TMEM45B: variants seen among roughly 807,000 people sequenced by gnomAD.
The protein encoded by TMEM45B is transmembrane protein 45B.
TMEM45B carries 29 observed loss-of-function variants against 27.3 expected under a neutral mutation model. The observed-to-expected ratio is 1.06, with a 90% confidence interval of 0.79 to 1.45. The LOEUF is 1.45. TMEM45B is among the 40% of genes most tolerant of loss of function. The pLI, the probability that TMEM45B is intolerant of heterozygous loss-of-function variation, is 0.00. For synonymous variants in TMEM45B, 143 were observed against 134.7 expected, an observed-to-expected ratio of 1.06 and a Z score of -0.43; for missense variants, 348 against 343.9, an observed-to-expected ratio of 1.01 and a Z score of -0.09.
chr11:129,819,885 C>G (rs1336848919), intron 1 of TMEM45B, among the ~76,000 whole-genome samples: 2 of 151,984 alleles, frequency 1.3e-5, no homozygotes, highest in Non-Finnish European at 2.9e-5. Context: ...ATAATAATAA[C>G]AGCTTTTCTG....
intron 1 of TMEM45B, among the ~76,000 whole-genome samples, chr11:129,848,464 C>T (rs143761826): frequency 2.0e-4 from 31 of 152,322 alleles, no homozygotes; most frequent in East Asian, 1.4e-3. Context: ...ATGGCAGCAG[C>T]ACAGTCCAGC....
chr11:129,837,585 C>CT lies in TMEM45B; in HGVS notation c.-8-14875dup, dbSNP rs200040338. On this transcript the variant is annotated intron_variant, in intron 1 of 5. Coordinates refer to ENST00000281441, the MANE Select transcript of TMEM45B (RefSeq NM_138788.5). ...TACAGGCATGAGCCACTGCACTGGG[C>CT]TTTTTTTTTTTTTTTGAGACAGGGT... is the stretch of plus-strand genomic sequence containing the variant. Among the ~76,000 whole-genome samples the CT allele has an allele frequency of 2.8e-3, 227 of 80,274 alleles. 22 individuals carry two copies. The highest frequency in any genetic ancestry group is 9.1e-3 in the African/African-American group (210 of 23,180). 52.7% of individuals were successfully genotyped at this position (80,274 alleles called of 152,430 possible). A position where few individuals can be genotyped will look rare whatever the true frequency, so the allele number is the denominator to read the frequency against.
At chr11:129,819,206 C>A (rs1489731626) in intron 1 of TMEM45B, among the ~76,000 whole-genome samples, 2 of 152,224 alleles carry the variant, frequency 1.3e-5, no homozygotes, top group African/African-American at 4.8e-5. Flanking sequence ...CCATAGCAGG[C>A]ATACATAAAA....
chr11:129,855,279 C>T (rs1043582039), intron 3 of TMEM45B, among the ~76,000 whole-genome samples: 22 of 151,818 alleles, frequency 1.4e-4, no homozygotes, highest in African/African-American at 4.6e-4. Flanking sequence ...CATCACAAGC[C>T]TCAGGAGACC....
intron 1 of TMEM45B, among the ~76,000 whole-genome samples, chr11:129,848,091 C>T (rs544606288): frequency 0.13 from 20,116 of 149,574 alleles, 1,426 homozygotes; most frequent in East Asian, 0.31. Flanking sequence ...CAGGCAGAGA[C>T]ACTCCTCACT....
chr11:129,857,569 A>C (rs1947948401), intron 5 of TMEM45B, 111 bp downstream of exon 5: 1 of 1,252,516 alleles, frequency 8.0e-7, no homozygotes, highest in African/African-American at 1.5e-5. Flanking sequence ...TGTGCAAGGT[A>C]CTCTCATGCA....
intron 1 of TMEM45B, among the ~76,000 whole-genome samples, chr11:129,845,336 G>T (rs59528749): frequency 0.085 from 7,379 of 86,486 alleles, 828 homozygotes; most frequent in African/African-American, 0.25. Flanking sequence ...AGCTATTATA[G>T]ATGTGTGTGT....
intron 1 of TMEM45B, among the ~76,000 whole-genome samples, chr11:129,851,607 G>A (rs533076528): frequency 1.3e-5 from 2 of 150,694 alleles, no homozygotes; most frequent in Admixed American, 6.6e-5. Flanking sequence ...GATTTTGGAG[G>A]GGACACATTC....
At position 129,858,867 on chromosome 11, in the gene TMEM45B, C is replaced by A; in HGVS notation, c.*182C>A. 2 of 455,638 alleles carry A rather than the reference C, an allele frequency of 4.4e-6. No individual in the cohort carries two copies. Among genetic ancestry groups the A allele is most frequent in the Non-Finnish European group, 3.9e-6 (1 of 253,208 alleles). The allele number at this position is 455,638 out of a possible 1,614,324, so 28.2% of individuals were successfully genotyped here. ...GGCCTACAGCATCCTGTGTATCTTG[C>A]AGTTGGGATTTTTAAACATACTATA... On this transcript the variant is annotated 3_prime_UTR_variant, in exon 6 of 6. Coordinates refer to ENST00000281441, the MANE Select transcript of TMEM45B (RefSeq NM_138788.5).
intron 1 of TMEM45B, among the ~76,000 whole-genome samples, chr11:129,830,290 G>A (rs747338822): frequency 2.2e-4 from 34 of 152,186 alleles, no homozygotes; most frequent in Non-Finnish European, 2.6e-4. Context: ...TCATGCCATT[G>A]CACTCCAGCC....
Position 129,858,775 on chromosome 11 carries a change from CT to C in TMEM45B, c.*92del. On this transcript the variant is annotated 3_prime_UTR_variant, in exon 6 of 6. Coordinates refer to ENST00000281441, the MANE Select transcript of TMEM45B (RefSeq NM_138788.5). ...ACCTGAATGCCTGCTGTGGTCTGAT[CT>C]TAAGGGTCTATATATTTGCACCTCC... 1.1e-6 allele frequency: 1 copy of C among 942,590 alleles called. No individual in the cohort carries two copies. Among genetic ancestry groups the C allele is most frequent in the Non-Finnish European group, 1.6e-6 (1 of 625,132 alleles). 58.4% of individuals were successfully genotyped at this position (942,590 alleles called of 1,614,324 possible).
intron 5 of TMEM45B, 83 bp downstream of exon 5, chr11:129,857,541 C>T (rs1352102828): frequency 2.0e-6 from 3 of 1,489,122 alleles, no homozygotes; most frequent in Non-Finnish European, 2.8e-6. Flanking sequence ...TGATGAGTGC[C>T]GACTACAGGC....
intron 1 of TMEM45B, among the ~76,000 whole-genome samples, chr11:129,842,375 CACT>C (rs1220719689): frequency 6.6e-6 from 1 of 152,152 alleles, no homozygotes; most frequent in East Asian, 1.9e-4. Flanking sequence ...AGAAGCATCA[CACT>C]TCCTGTGTTC....
chr11:129,851,542 T>TAAAAAAAA (rs1947846295), intron 1 of TMEM45B, among the ~76,000 whole-genome samples: 1 of 21,942 alleles, frequency 4.6e-5, no homozygotes, highest in African/African-American at 5.2e-4. Context: ...AAACTCTGCC[T>TAAAAAAAA]CAAAAAAAAA....
chr11:129,823,578 C>T (rs1947446393), intron 1 of TMEM45B, among the ~76,000 whole-genome samples: 1 of 152,158 alleles, frequency 6.6e-6, no homozygotes, highest in East Asian at 1.9e-4. Context: ...TTTAAACTAG[C>T]CCTTCCTACC....
rs141940295 is a variant in TMEM45B, at chr11:129,850,023, G to A, written c.-8-2452G>A. 2.1e-3 allele frequency among the ~76,000 whole-genome samples: 327 copies of A among 152,198 alleles called. 7 individuals are homozygous for A. The South Asian group carries it at 0.041, about 19-fold the overall frequency. ...GCTTATCAGTCCTGTGGCCATACCC[G>A]TGGTTTTCTCTCCTACACACACGTT... is the stretch of plus-strand genomic sequence containing the variant. On this transcript the variant is annotated intron_variant, in intron 1 of 5. Transcript: ENST00000281441.
At position 129,857,486 on chromosome 11, in the gene TMEM45B, T is replaced by G. The variant is rs185011482; in HGVS notation, c.716+28T>G. ...ATGTCTGAGACTTCAGTGAAGCTTT[T>G]CCTCCTAACTCTAAGCAGGACTGAT... On this transcript the variant is annotated intron_variant, in intron 5 of 5. Transcript: ENST00000281441. The G allele has an allele frequency of 3.7e-5, 59 of 1,612,972 alleles. No individual in the cohort carries two copies. The African/African-American group carries it at 5.3e-4, about 15-fold the overall frequency.
chr11:129,854,617 G>A lies in TMEM45B; in HGVS notation c.186G>A (p.Leu62=), dbSNP rs923834381. 3 of 1,614,106 alleles carry A rather than the reference G, an allele frequency of 1.9e-6. No homozygotes were observed. The highest frequency in any genetic ancestry group is 2.5e-6 in the Non-Finnish European group (3 of 1,179,976). Residue 62 remains leucine (L), a synonymous_variant, in exon 3 of 6, where the codon CTG becomes CTA. Coordinates refer to ENST00000281441, the MANE Select transcript of TMEM45B (RefSeq NM_138788.5). ...ATCCTCATTTCCCTGCAGGGATCCTGGCAGAGCAGTTTGTTCCGGATGGGC... is the reference window on the plus strand; with the variant it reads ...ATCCTCATTTCCCTGCAGGGATCCTAGCAGAGCAGTTTGTTCCGGATGGGC... ...IRTLFSVTGI[L]AEQFVPDGPH...
At chr11:129,829,954 CAA>C (rs1947528603) in intron 1 of TMEM45B, among the ~76,000 whole-genome samples, 3 of 152,190 alleles carry the variant, frequency 2.0e-5, no homozygotes, top group Admixed American at 2.0e-4. Context: ...GTCTTATTAA[CAA>C]ATGGCTGGGA....
Sources: gnomAD v4.1 joint callset for allele counts (sites outside exome capture counted in the v4.1 genomes callset) on GRCh38, gnomAD v4.1.1 for gene constraint, MANE v1.5 for transcripts, NCBI Gene and HGNC (gene_info 2026-07-23, HGNC 2026-07-21) for gene names.